Variants in KANSL3 observed in about 807,000 individuals in gnomAD.
KANSL3 encodes NSL complex protein NSL3.
A neutral mutation model predicts 89.2 loss-of-function variants in KANSL3; 16 were observed. The observed-to-expected ratio is 0.18, with a 90% CI of 0.12 to 0.27. The LOEUF is 0.27. KANSL3 is among the 10% of genes least tolerant of loss of function. The probability of loss-of-function intolerance (pLI) is 1.00; values close to 1 mark genes in which losing one functional copy is unlikely to be tolerated. For missense variants in KANSL3, 879 were observed against 1,110.6 expected (o/e 0.79, Z 2.96); for synonymous variants, 385 against 419.7 (o/e 0.92, Z 1.01).
chr2:96,627,901 C>T, intron 3 of KANSL3: 1 of 1,289,174 alleles, frequency 7.8e-7, no homozygotes, highest in Non-Finnish European at 1.0e-6. Flanking sequence ...ATAAAATCGG[C>T]TATGTACAAA....
rs35175492 is a variant in KANSL3 at position 96,609,950 on chromosome 2, C to CAAAAAAAAAAAA, written c.1320-400_1320-389dup. Among the ~76,000 whole-genome samples the CAAAAAAAAAAAA allele has an allele frequency of 2.8e-4, 6 of 21,616 alleles. 2 individuals are homozygous for CAAAAAAAAAAAA. Among genetic ancestry groups the CAAAAAAAAAAAA allele is most frequent in the Admixed American group, 1.9e-3 (2 of 1,050 alleles). The allele number at this position is 21,616 out of a possible 152,430, so 14.2% of individuals were successfully genotyped here. A position where few individuals can be genotyped will look rare whatever the true frequency, so the allele number is the denominator to read the frequency against. On this transcript the variant is annotated intron_variant, in intron 11 of 20. Transcript: ENST00000431828. ...TAGGCGACAGAGCCAGGCGCCACCT[C>CAAAAAAAAAAAA]AAAAAAAAAAAAAAAAAAAAAAAAA...
chr2:96,611,212 T>A, intron 9 of KANSL3, 74 bp from the exon 10 acceptor site: 2 of 1,247,074 alleles, frequency 1.6e-6, no homozygotes. Context: ...AATCCAGGAG[T>A]GGTCCAGACC....
chr2:96,580,907 C>A, the KANSL3 span, among the ~76,000 whole-genome samples: 1 of 152,212 alleles, frequency 6.6e-6, no homozygotes, highest in South Asian at 2.1e-4. Flanking sequence ...TCCAGAGAAG[C>A]AGTAGCAAGA....
chr2:96,589,194 C>A (rs2066258743), downstream of KANSL3, among the ~76,000 whole-genome samples: 2 of 152,182 alleles, frequency 1.3e-5, no homozygotes, highest in Non-Finnish European at 2.9e-5. Flanking sequence ...ACTAAAATGG[C>A]CAACTTAAGG....
intron 10 of KANSL3, 53 bp from the exon 11 acceptor site, chr2:96,610,936 A>G (rs2068815734): frequency 5.6e-6 from 9 of 1,600,074 alleles, no homozygotes; most frequent in Non-Finnish European, 7.7e-6. Flanking sequence ...CAAAGCACTG[A>G]CCCAGAAACT....
chr2:96,613,679 G>T, intron 5 of KANSL3, 60 bp from the exon 6 acceptor site: 7 of 1,533,016 alleles, frequency 4.6e-6, no homozygotes, highest in Non-Finnish European at 5.4e-6. Context: ...TCCACCACCA[G>T]CAATCAAGCA....
In KANSL3 at chr2:96,610,597, G is replaced by A. The variant is rs537600472; in HGVS notation, c.1319+129C>T. The stretch of plus-strand genomic sequence containing the variant: ...CCCAAAGTCCTGGGATTACAGGCGT[G>A]AGCCACCGCGCCCGGCTAATGCTGT... On this transcript the variant is annotated intron_variant, in intron 11 of 20. Transcript: ENST00000431828. 5.8e-5 allele frequency: 59 copies of A among 1,014,530 alleles called. No homozygotes were observed. In the African/African-American group the frequency reaches 8.1e-4, roughly 14 times the overall value. 62.8% of individuals were successfully genotyped at this position (1,014,530 alleles called of 1,614,324 possible).
intron 18 of KANSL3, 88 bp downstream of exon 18, chr2:96,602,665 T>C: frequency 9.6e-7 from 1 of 1,039,140 alleles, no homozygotes; most frequent in Non-Finnish European, 1.4e-6. Flanking sequence ...ATCCACTGAC[T>C]CCAGACCTAG....
intron 14 of KANSL3, chr2:96,607,013 C>T: frequency 7.8e-7 from 1 of 1,289,598 alleles, no homozygotes; most frequent in Non-Finnish European, 1.0e-6. Context: ...CTTTCCTCAC[C>T]AGCATATTTT....
At chr2:96,611,041 A>G in intron 10 of KANSL3, 23 bp downstream of exon 10, 1 of 1,612,142 alleles carries the variant, frequency 6.2e-7, no homozygotes, top group Non-Finnish European at 8.5e-7. Flanking sequence ...ATGACCCAGC[A>G]CTCAGCTTTA....
chr2:96,637,122 C>G lies in KANSL3; in HGVS notation c.14G>C (p.Gly5Ala). 1 of 1,551,236 alleles carries G rather than the reference C, an allele frequency of 6.4e-7. No individual in the cohort carries two copies. Among genetic ancestry groups the G allele is most frequent in the Non-Finnish European group, 8.7e-7 (1 of 1,146,678 alleles). MAHR[G>A]GERDFQTSAR... ...TGAAGTCTGGAAGTCCCTCTCCCCA[C>G]CCCGGTGGGCCATGTCAGTGGAGGG... The change falls in exon 2 of 21, where the codon GGT becomes GCT. Residue 5 changes from glycine to alanine, a missense_variant. Physicochemically the swap from Gly to Ala is moderately conservative, Grantham distance 60 (BLOSUM62 0). This residue lies in a region of KANSL3 where 210 missense variants were observed against 311.9 expected (regional missense o/e 0.67). Coordinates refer to ENST00000431828, the MANE Select transcript of KANSL3 (RefSeq NM_001115016.3).
Position 96,601,724 on chromosome 2 carries a change from C to A in KANSL3, c.2535G>T (p.Arg845Ser). Residue 845 changes from arginine to serine, a missense_variant, in exon 20 of 21, where the codon AGG (arginine) becomes AGT (serine). Arg to Ser is a moderately radical substitution (Grantham distance 110, BLOSUM62 -1). Transcript: ENST00000431828. Reference protein sequence around the residue: ...ITLTLRGQPSRITTLSPMGSG... With the variant: ...ITLTLRGQPSSITTLSPMGSG... ...AGCCCATAGGGCTCAGTGTAGTGAT[C>A]CTGCTCGGCTGGCCACGAAGTGTCA... 1 of 1,602,434 alleles carries A rather than the reference C, an allele frequency of 6.2e-7. No homozygotes were observed. Among genetic ancestry groups the A allele is most frequent in the Middle Eastern group, 1.7e-4 (1 of 5,984 alleles).
At chr2:96,621,374 C>T (rs576715319) in intron 3 of KANSL3, among the ~76,000 whole-genome samples, 2 of 152,010 alleles carry the variant, frequency 1.3e-5, no homozygotes, top group Admixed American at 6.5e-5. Flanking sequence ...ATTAGCTGGG[C>T]GTGGTGGCAT....
intron 14 of KANSL3, chr2:96,607,135 T>C (rs973424945): frequency 1.5e-5 from 12 of 801,302 alleles, no homozygotes; most frequent in African/African-American, 3.6e-5. Context: ...TTGTAGAAAA[T>C]GGCCAATAGG....
chr2:96,613,762 A>G, intron 5 of KANSL3, 143 bp from the exon 6 acceptor site: 1 of 632,250 alleles, frequency 1.6e-6, no homozygotes, highest in Non-Finnish European at 2.7e-6. Flanking sequence ...AGGATCAAGA[A>G]TATATATAAA....
intron 9 of KANSL3, 45 bp downstream of exon 9, chr2:96,612,237 T>A (rs761896495): frequency 6.8e-6 from 9 of 1,318,678 alleles, no homozygotes; most frequent in Non-Finnish European, 8.8e-6. Context: ...TGATTAGTGG[T>A]ATTCCATCCC....
chr2:96,600,674 T>C lies in KANSL3; in HGVS notation c.2616+969A>G, dbSNP rs955310931. ...TCAGTACTAGACTCAAACTGTTTTT[T>C]GGCTTAACTTCTAATCTTTGAGTGG... On this transcript the variant is annotated intron_variant, in intron 20 of 20. Coordinates refer to ENST00000431828, the MANE Select transcript of KANSL3 (RefSeq NM_001115016.3). 4.1e-6 allele frequency: 4 copies of C among 985,350 alleles called. No individual in the cohort carries two copies. The African/African-American group carries it at 5.2e-5, about 13-fold the overall frequency. The allele number at this position is 985,350 out of a possible 1,614,324, so 61.0% of individuals were successfully genotyped here.
rs2067210974 is a variant in KANSL3, at chr2:96,601,710, C to A, written c.2549G>T (p.Ser850Ile). Residue 850 changes from serine (S) to isoleucine (I), a missense_variant, in exon 20 of 21, where the codon AGC becomes ATC. Ser to Ile is a moderately radical substitution (Grantham distance 142, BLOSUM62 -2). Coordinates refer to ENST00000431828, the MANE Select transcript of KANSL3 (RefSeq NM_001115016.3). ...RGQPSRITTL[S>I]PMGSGAAPSE... ...TGGGGCTGCTCCTGAGCCCATAGGG[C>A]TCAGTGTAGTGATCCTGCTCGGCTG... is the stretch of plus-strand genomic sequence containing the variant. 1 of 1,612,258 alleles carries A rather than the reference C, an allele frequency of 6.2e-7. No homozygotes were observed. The highest frequency in any genetic ancestry group is 2.2e-5 in the East Asian group (1 of 44,818).
At chr2:96,602,563 G>A (rs529499010) in intron 18 of KANSL3, among the ~76,000 whole-genome samples, 190 bp downstream of exon 18, 86 of 152,216 alleles carry the variant, frequency 5.6e-4, no homozygotes, top group Non-Finnish European at 1.1e-3. Flanking sequence ...AAAACAGAGT[G>A]GTCAAGAAAC....
Sources: gnomAD v4.1 joint callset for allele counts (sites outside exome capture counted in the v4.1 genomes callset) on GRCh38, gnomAD v4.1.1 for gene constraint, gnomAD v4.1.1 regional missense constraint, MANE v1.5 for transcripts, NCBI Gene and HGNC (gene_info 2026-07-23, HGNC 2026-07-21) for gene names.